Variants in KHDRBS3 observed in about 807,000 individuals in gnomAD.
KHDRBS3 encodes KH domain-containing, RNA-binding, signal transduction-associated protein 3.
In KHDRBS3, 23 loss-of-function variants were observed where a neutral mutation model predicts 45.6. The observed-to-expected ratio is 0.50, with a 90% CI of 0.36 to 0.72. The LOEUF (loss-of-function observed/expected upper bound fraction) is 0.72. KHDRBS3 is among the 30% of genes least tolerant of loss of function. The pLI is 0.00. For missense variants in KHDRBS3, 352 were observed against 424.8 expected, an observed-to-expected ratio of 0.83 and a Z score of 1.51; for synonymous variants, 162 against 156.5, an observed-to-expected ratio of 1.04 and a Z score of -0.26.
chr8:135,545,507 T>C (rs1826250709), intron 3 of KHDRBS3, among the ~76,000 whole-genome samples: 1 of 152,218 alleles, frequency 6.6e-6, no homozygotes, highest in South Asian at 2.1e-4. Flanking sequence ...GAGTCTCACA[T>C]AAGAGACGGC....
downstream of KHDRBS3, among the ~76,000 whole-genome samples, chr8:135,650,346 G>GC (rs1831403887): frequency 1.3e-5 from 2 of 152,096 alleles, no homozygotes; most frequent in Non-Finnish European, 2.9e-5. Context: ...GTTAAATCAG[G>GC]CTGTGATCCT....
intron 5 of KHDRBS3, among the ~76,000 whole-genome samples, chr8:135,564,233 T>A (rs189781552): frequency 6.6e-6 from 1 of 152,332 alleles, no homozygotes; most frequent in Admixed American, 6.5e-5. Context: ...CGCTGGTATT[T>A]TACCAGATGC....
At chr8:135,542,878 T>C (rs1006519398) in intron 3 of KHDRBS3, 108 bp downstream of exon 3, 8 of 769,226 alleles carry the variant, frequency 1.0e-5, no homozygotes, top group African/African-American at 5.3e-5. Flanking sequence ...GTATTTGTGA[T>C]ACTGTTTAGA....
At chr8:135,638,552 C>T (rs1390248069) in intron 7 of KHDRBS3, among the ~76,000 whole-genome samples, 1 of 152,144 alleles carries the variant, frequency 6.6e-6, no homozygotes, top group African/African-American at 2.4e-5. Flanking sequence ...AAACAGCTCA[C>T]AGAATAGAAA....
intron 2 of KHDRBS3, among the ~76,000 whole-genome samples, chr8:135,534,758 C>T (rs946401229): frequency 2.6e-5 from 4 of 152,116 alleles, no homozygotes; most frequent in African/African-American, 7.2e-5. Context: ...CTCTGCATCT[C>T]GCTTACCTGA....
chr8:135,544,633 G>C (rs553179628), intron 3 of KHDRBS3, among the ~76,000 whole-genome samples: 2 of 152,242 alleles, frequency 1.3e-5, no homozygotes, highest in South Asian at 4.1e-4. Flanking sequence ...GGGGATTAAG[G>C]TGCTCTAGCA....
chr8:135,634,610 G>A (rs1206525701), intron 7 of KHDRBS3, among the ~76,000 whole-genome samples: 1 of 152,166 alleles, frequency 6.6e-6, no homozygotes, highest in South Asian at 2.1e-4. Context: ...ATGCCAGTTA[G>A]GGAACTGAAG....
At chr8:135,640,571 G>A (rs1831018182) in intron 7 of KHDRBS3, among the ~76,000 whole-genome samples, 2 of 152,140 alleles carry the variant, frequency 1.3e-5, no homozygotes, top group Admixed American at 6.5e-5. Flanking sequence ...GCTATTTCTT[G>A]ACTCAAGTTG....
intron 2 of KHDRBS3, among the ~76,000 whole-genome samples, chr8:135,535,692 A>G (rs1825711378): frequency 6.6e-6 from 1 of 152,124 alleles, no homozygotes; most frequent in African/African-American, 2.4e-5. Context: ...CTTTTTAAAT[A>G]CCAGAAGGTA....
At chr8:135,491,488 G>A (rs931585910) in intron 1 of KHDRBS3, among the ~76,000 whole-genome samples, 4 of 152,148 alleles carry the variant, frequency 2.6e-5, no homozygotes, top group Non-Finnish European at 4.4e-5. Context: ...TACTTAGGGC[G>A]GGATAAAGGT....
downstream of KHDRBS3, among the ~76,000 whole-genome samples, chr8:135,650,532 G>A (rs1480021624): frequency 6.6e-6 from 1 of 152,176 alleles, no homozygotes; most frequent in East Asian, 1.9e-4. Context: ...TTTTAAAAAG[G>A]AAGAAATTTA....
At chr8:135,550,918 G>A (rs994518663) in intron 4 of KHDRBS3, among the ~76,000 whole-genome samples, 3 of 152,064 alleles carry the variant, frequency 2.0e-5, no homozygotes, top group Admixed American at 2.0e-4. Flanking sequence ...GTGTTTTATA[G>A]TGTTCAGGGT....
At chr8:135,491,112 C>T (rs957906993) in intron 1 of KHDRBS3, among the ~76,000 whole-genome samples, 1 of 152,028 alleles carries the variant, frequency 6.6e-6, no homozygotes, top group Non-Finnish European at 1.5e-5. Context: ...TGCATTGATG[C>T]TTTCTTATTT....
intron 5 of KHDRBS3, among the ~76,000 whole-genome samples, chr8:135,575,103 A>G (rs1827889187): frequency 6.6e-6 from 1 of 152,222 alleles, no homozygotes; most frequent in Admixed American, 6.5e-5. Context: ...GTTATGGTCT[A>G]GGATTTTAAA....
intron 1 of KHDRBS3, among the ~76,000 whole-genome samples, chr8:135,492,573 C>T (rs1823214288): frequency 6.7e-6 from 1 of 149,690 alleles, no homozygotes; most frequent in African/African-American, 2.5e-5. Flanking sequence ...GTATTTTCTC[C>T]ACTGAATGCC....
At chr8:135,525,946 A>G (rs1323759009) in intron 2 of KHDRBS3, among the ~76,000 whole-genome samples, 2 of 152,212 alleles carry the variant, frequency 1.3e-5, no homozygotes, top group South Asian at 2.1e-4. Flanking sequence ...GACTGCATAT[A>G]TGATGGTGAT....
intron 5 of KHDRBS3, among the ~76,000 whole-genome samples, chr8:135,566,511 G>C (rs1186986851): frequency 1.3e-5 from 2 of 152,146 alleles, no homozygotes; most frequent in African/African-American, 4.8e-5. Flanking sequence ...ATCAGTTGAT[G>C]AAAGAAATGC....
At chr8:135,529,296 G>T (rs751837792) in intron 2 of KHDRBS3, among the ~76,000 whole-genome samples, 9 of 152,138 alleles carry the variant, frequency 5.9e-5, no homozygotes, top group Middle Eastern at 3.2e-3. Flanking sequence ...GTTCTCAGAG[G>T]CTCTGGACTT....
chr8:135,595,935 C>G (rs1828953389), intron 6 of KHDRBS3, among the ~76,000 whole-genome samples: 1 of 152,134 alleles, frequency 6.6e-6, no homozygotes, highest in Non-Finnish European at 1.5e-5. Flanking sequence ...CTTCCAGACT[C>G]TTGCTGAGCA....
Sources: gnomAD v4.1 joint callset for allele counts (sites outside exome capture counted in the v4.1 genomes callset) on GRCh38, gnomAD v4.1.1 for gene constraint, MANE v1.5 for transcripts, NCBI Gene and HGNC (gene_info 2026-07-23, HGNC 2026-07-21) for gene names.